The following PDE4DIP variants were observed in gnomAD, a reference collection of about 807,000 sequenced individuals.
PDE4DIP encodes phosphodiesterase 4D interacting protein.
A neutral mutation model predicts 221.4 loss-of-function variants in PDE4DIP; 59 were observed. The observed-to-expected ratio is 0.27, with a 90% CI of 0.22 to 0.33. The LOEUF is 0.33. Ranked by LOEUF, PDE4DIP falls within the 10% of genes least tolerant of loss-of-function variation. The pLI, the probability that PDE4DIP is intolerant of heterozygous loss-of-function variation, is 1.00. For synonymous variants in PDE4DIP, 404 were observed against 815.9 expected, an observed-to-expected ratio of 0.50 and a Z score of 8.60; for missense variants, 1,036 against 2,154.2, an observed-to-expected ratio of 0.48 and a Z score of 10.28.
intron 5 of PDE4DIP, among the ~76,000 whole-genome samples, chr1:148,949,113 A>G (rs1319481532): frequency 5.9e-5 from 9 of 152,212 alleles, no homozygotes; most frequent in Non-Finnish European, 1.0e-4. Flanking sequence ...GTATGAATAC[A>G]CCAAAATGTG....
intron 37 of PDE4DIP, among the ~76,000 whole-genome samples, chr1:149,023,751 C>CACATATATATGTACATGTATATGTGTGT (rs879995078): frequency 1.7e-4 from 18 of 103,310 alleles, no homozygotes; most frequent in Non-Finnish European, 3.0e-4. Flanking sequence ...TATATGTGTG[C>CACATATATATGTACATGTATATGTGTGT]ACATATATAT....
intron 37 of PDE4DIP, among the ~76,000 whole-genome samples, chr1:149,023,370 T>C (rs2073748984): frequency 6.6e-6 from 1 of 151,504 alleles, no homozygotes; most frequent in Non-Finnish European, 1.5e-5. Context: ...ATATATGATA[T>C]ATGCACCCTG....
At chr1:148,984,537 A>G (rs1468599439) in intron 21 of PDE4DIP, 3 of 152,058 alleles carry the variant, frequency 2.0e-5, no homozygotes, top group Admixed American at 2.0e-4. Context: ...AAAAAAACCT[A>G]TCACTTTTAT....
At chr1:148,999,110 G>C (rs1553571093) in intron 23 of PDE4DIP, 1 of 137,544 alleles carries the variant, frequency 7.3e-6, no homozygotes, top group Non-Finnish European at 1.6e-5. Flanking sequence ...TTCAATCATA[G>C]AGTATCAATT....
chr1:148,979,764 G>A, exon 20 of PDE4DIP: 7 of 1,613,458 alleles, frequency 4.3e-6, no homozygotes, highest in Non-Finnish European at 5.9e-6. Context: ...AGGACTAGTA[G>A]ATGAACGGAG....
intron 43 of PDE4DIP, 124 bp downstream of exon 46, chr1:149,030,402 C>T (rs1553635956): frequency 6.6e-7 from 1 of 1,516,082 alleles, no homozygotes; most frequent in Non-Finnish European, 8.9e-7. Context: ...TTGGGGTCCA[C>T]TTGCAAGATC....
chr1:148,821,292 C>T (rs587762501), intron 1 of PDE4DIP, among the ~76,000 whole-genome samples: 6 of 147,794 alleles, frequency 4.1e-5, no homozygotes, highest in African/African-American at 1.5e-4. Flanking sequence ...TCCTTTGATT[C>T]TGTGGGTCTC....
At chr1:148,951,627 A>G (rs587728235) in intron 5 of PDE4DIP, among the ~76,000 whole-genome samples, 1 of 151,546 alleles carries the variant, frequency 6.6e-6, no homozygotes, top group East Asian at 1.9e-4. Context: ...AGGGACTTCA[A>G]TGGTGGTAAT....
rs2076231064 is a variant in PDE4DIP at position 149,029,942 on chromosome 1, G to A, written c.6952+17G>A. The stretch of plus-strand genomic sequence containing the variant: ...TCAGCCAGCGTAGGTTCCCTGAGAG[G>A]GAATGGGGGAAGAAACAGGCAGTCT... On this transcript the variant is annotated intron_variant, in intron 42 of 43. Coordinates refer to ENST00000369354, the Ensembl canonical transcript of PDE4DIP. The A allele has an allele frequency of 2.4e-6, 3 of 1,226,810 alleles. No homozygotes were observed. The highest frequency in any genetic ancestry group is 3.1e-5 in the African/African-American group (2 of 63,568). 76.0% of individuals were successfully genotyped at this position (1,226,810 alleles called of 1,614,324 possible).
At chr1:148,861,979 C>T (rs1214891202) in intron 1 of PDE4DIP, among the ~76,000 whole-genome samples, 2 of 109,126 alleles carry the variant, frequency 1.8e-5, no homozygotes, top group African/African-American at 3.9e-5. Flanking sequence ...CTGCTCACCA[C>T]GTGCTCACTG....
At chr1:149,023,743 T>C in intron 37 of PDE4DIP, among the ~76,000 whole-genome samples, 1 of 100,642 alleles carries the variant, frequency 9.9e-6, no homozygotes, top group African/African-American at 3.7e-5. Flanking sequence ...TGTACATGTA[T>C]ATGTGTGCAC....
At chr1:148,987,358 G>C (rs1353360415) in intron 21 of PDE4DIP, among the ~76,000 whole-genome samples, 4 of 152,168 alleles carry the variant, frequency 2.6e-5, no homozygotes, top group Non-Finnish European at 4.4e-5. Flanking sequence ...TGAAATTGTA[G>C]TTTGATAGGA....
At chr1:148,951,971 G>A (rs1243051378) in intron 5 of PDE4DIP, 2 of 919,442 alleles carry the variant, frequency 2.2e-6, no homozygotes, top group African/African-American at 1.8e-5. Flanking sequence ...GAAAGGTGAG[G>A]CTGCTGGCGG....
At chr1:148,966,969 C>T in exon 12 of PDE4DIP, 1 of 1,605,822 alleles carries the variant, frequency 6.2e-7, no homozygotes. Flanking sequence ...AATGAAGCTA[C>T]TATGCAAGTA....
At chr1:148,818,079 G>A (rs1332979723) in intron 1 of PDE4DIP, among the ~76,000 whole-genome samples, 3 of 149,924 alleles carry the variant, frequency 2.0e-5, no homozygotes, top group Middle Eastern at 3.2e-3. Context: ...CTCCCAAAGT[G>A]CTGGGATTAC....
chr1:149,031,777 C>A (rs1427063172), intron 43 of PDE4DIP, among the ~76,000 whole-genome samples, 167 bp from the exon 47 acceptor site: 2 of 150,102 alleles, frequency 1.3e-5, no homozygotes, highest in Non-Finnish European at 3.0e-5. Flanking sequence ...ACCTCGGGCA[C>A]CTGTTGCTCC....
intron 5 of PDE4DIP, chr1:148,941,743 AG>A (rs2150978707): frequency 7.1e-6 from 1 of 141,260 alleles, no homozygotes; most frequent in South Asian, 2.6e-4. Flanking sequence ...TGACACTTGG[AG>A]CCTATGTTGT....
intron 5 of PDE4DIP, among the ~76,000 whole-genome samples, chr1:148,956,277 G>T (rs1350122803): frequency 2.0e-5 from 3 of 151,818 alleles, no homozygotes; most frequent in Non-Finnish European, 4.4e-5. Context: ...GTTCTGTAAG[G>T]TTATTTTGAT....
chr1:149,000,356 A>G (rs2065331983), intron 23 of PDE4DIP, among the ~76,000 whole-genome samples: 1 of 152,168 alleles, frequency 6.6e-6, no homozygotes, highest in Admixed American at 6.5e-5. Context: ...GGAGTTCGAG[A>G]CCAGCCTGCC....
Sources: gnomAD v4.1 joint callset for allele counts (sites outside exome capture counted in the v4.1 genomes callset) on GRCh38, gnomAD v4.1.1 for gene constraint, MANE v1.5 for transcripts, NCBI Gene and HGNC (gene_info 2026-07-23, HGNC 2026-07-21) for gene names.